The following PCDHGA1 variants were observed in gnomAD, a reference collection of about 807,000 sequenced individuals.
PCDHGA1 encodes protocadherin gamma-A1.
Under a neutral mutation model 58.0 loss-of-function variants are expected in PCDHGA1, and 32 were observed. The observed-to-expected ratio is 0.55, with a 90% confidence interval of 0.42 to 0.74. The LOEUF (loss-of-function observed/expected upper bound fraction) is 0.74, where lower values mean the gene tolerates loss of function less well. PCDHGA1 is among the 30% of genes least tolerant of loss of function. The pLI, the probability that PCDHGA1 is intolerant of heterozygous loss-of-function variation, is 0.00. For missense variants in PCDHGA1, 1,205 were observed against 1,182.3 expected (o/e 1.02, Z -0.28); for synonymous variants, 498 against 501.1 (o/e 0.99, Z 0.08).
intron 1 of PCDHGA1, chr5:141,392,630 C>T (rs1431794812): frequency 1.7e-6 from 1 of 602,802 alleles, no homozygotes; most frequent in African/African-American, 1.9e-5. Context: ...ACACTCAGAT[C>T]TCACACCTCA....
chr5:141,447,168 T>C (rs1027377060), intron 1 of PCDHGA1, among the ~76,000 whole-genome samples: 2 of 152,174 alleles, frequency 1.3e-5, no homozygotes, highest in Non-Finnish European at 2.9e-5. Context: ...AAGCGGGGTC[T>C]TGCTCTTGTC....
intron 1 of PCDHGA1, chr5:141,479,722 T>C (rs2099504690): frequency 6.6e-6 from 1 of 152,240 alleles, no homozygotes; most frequent in African/African-American, 2.4e-5. Context: ...CCAGCCTTAT[T>C]TTTCTTAAGT....
Position 141,373,901 on chromosome 5 carries a change from C to T in PCDHGA1, c.2421+40796C>T. ...AATCAACGGAAACTCAAGTTACATCCTCCAACAACAAAGCAAATTAGACGG... is the reference window on the plus strand; with the variant it reads ...AATCAACGGAAACTCAAGTTACATCTTCCAACAACAAAGCAAATTAGACGG... On this transcript the variant is annotated intron_variant, in intron 1 of 3. Coordinates refer to ENST00000517417, the MANE Select transcript of PCDHGA1 (RefSeq NM_018912.3). 5.3e-6 allele frequency: 3 copies of T among 568,614 alleles called. No homozygotes were observed. In the East Asian group the frequency reaches 9.4e-5, roughly 18 times the overall value. The allele number at this position is 568,614 out of a possible 1,614,324, so 35.2% of individuals were successfully genotyped here.
intron 1 of PCDHGA1, among the ~76,000 whole-genome samples, chr5:141,336,357 CA>C (rs1216055068): frequency 2.6e-5 from 4 of 151,658 alleles, no homozygotes; most frequent in Admixed American, 2.6e-4. Context: ...CTCTATAAAA[CA>C]AAAAAACACA....
chr5:141,338,961 A>G lies in PCDHGA1; in HGVS notation c.2421+5856A>G, dbSNP rs186827842. 7 of 1,525,380 alleles carry G rather than the reference A, an allele frequency of 4.6e-6. No homozygotes were observed. The African/African-American group carries it at 8.3e-5, about 18-fold the overall frequency. 94.5% of individuals were successfully genotyped at this position (1,525,380 alleles called of 1,614,324 possible). On this transcript the variant is annotated intron_variant, in intron 1 of 3. Transcript: ENST00000517417. Reference sequence around the variant, plus strand: ...GGAAGTTGACTCGGAGAAAATTGCGACAGGAGGGAAATGGCGGCTCTGCAA... The same window carrying G: ...GGAAGTTGACTCGGAGAAAATTGCGGCAGGAGGGAAATGGCGGCTCTGCAA...
At position 141,486,460 on chromosome 5, in the gene PCDHGA1, T is replaced by A. The variant is rs1218788640; in HGVS notation, c.2422-8347T>A. 6.2e-7 allele frequency: 1 copy of A among 1,614,146 alleles called. No individual in the cohort carries two copies. Among genetic ancestry groups the A allele is most frequent in the South Asian group, 1.1e-5 (1 of 91,082 alleles). On this transcript the variant is annotated intron_variant, in intron 1 of 3. Coordinates refer to ENST00000517417, the MANE Select transcript of PCDHGA1 (RefSeq NM_018912.3). The surrounding 1 kb of genome is among the most constrained non-coding windows in gnomAD (Gnocchi z 5.0). Reference sequence around the variant, plus strand: ...ATGACATCATGGTCACTGCTTCTGATGCTGGGAACCCTCCTCTCAGTACCC... The same window carrying A: ...ATGACATCATGGTCACTGCTTCTGAAGCTGGGAACCCTCCTCTCAGTACCC...
chr5:141,382,928 A>G (rs746763440), intron 1 of PCDHGA1: 9 of 1,582,188 alleles, frequency 5.7e-6, no homozygotes, highest in South Asian at 3.4e-5. Flanking sequence ...GGCGGGGACT[A>G]CAGAGGATTC....
chr5:141,356,301 A>T (rs755675913), intron 1 of PCDHGA1: 2 of 1,554,592 alleles, frequency 1.3e-6, no homozygotes, highest in Non-Finnish European at 1.7e-6. Context: ...CAGTAATTGC[A>T]CTTTTCAACG....
At chr5:141,428,489 T>C (rs2097142285) in intron 1 of PCDHGA1, 1 of 312,516 alleles carries the variant, frequency 3.2e-6, no homozygotes. Context: ...TCCTGCAATC[T>C]GTATGTTCCC....
intron 1 of PCDHGA1, chr5:141,421,852 C>T: frequency 6.2e-7 from 1 of 1,613,770 alleles, no homozygotes; most frequent in South Asian, 1.1e-5. Context: ...AGAGGCTGCT[C>T]ACCTGCTCCT....
intron 1 of PCDHGA1, chr5:141,383,475 G>T: frequency 6.2e-7 from 1 of 1,613,594 alleles, no homozygotes; most frequent in Non-Finnish European, 8.5e-7. Flanking sequence ...CTAAGTACCC[G>T]GAACTGGTGC....
chr5:141,351,665 C>T, intron 1 of PCDHGA1: 2 of 1,614,054 alleles, frequency 1.2e-6, no homozygotes, highest in Non-Finnish European at 8.5e-7. Flanking sequence ...CTCCATTGCA[C>T]AAGTAAGCGC....
chr5:141,432,336 G>A lies in PCDHGA1; in HGVS notation c.2422-62471G>A. On this transcript the variant is annotated intron_variant, in intron 1 of 3. Coordinates refer to ENST00000517417, the MANE Select transcript of PCDHGA1 (RefSeq NM_018912.3). The surrounding 1 kb of genome is among the most constrained non-coding windows in gnomAD (Gnocchi z 6.0). ...AGCTCCTTCGACTACGAGCAGTTCC[G>A]AGACTTGCAAGTGAAAGTGATGGCG... 1.2e-6 allele frequency: 2 copies of A among 1,614,250 alleles called. No homozygotes were observed. The highest frequency in any genetic ancestry group is 1.7e-6 in the Non-Finnish European group (2 of 1,180,040).
At chr5:141,374,811 C>A (rs1770858987) in intron 1 of PCDHGA1, 1 of 1,613,868 alleles carries the variant, frequency 6.2e-7, no homozygotes, top group Admixed American at 1.7e-5. Flanking sequence ...CCAATGTTTA[C>A]TCAGCCTGTC....
chr5:141,418,126 A>G (rs2096226975), intron 1 of PCDHGA1: 3 of 1,613,994 alleles, frequency 1.9e-6, no homozygotes, highest in Non-Finnish European at 2.5e-6. Context: ...TGAAGGACCG[A>G]ATAGACCGTG....
intron 1 of PCDHGA1, chr5:141,344,125 TC>T (rs1757369417): frequency 8.7e-6 from 14 of 1,613,900 alleles, no homozygotes; most frequent in Admixed American, 1.7e-5. Flanking sequence ...TCCGGTCAGA[TC>T]CGCTACTCGG....
At chr5:141,338,815 T>G (rs1348960323) in intron 1 of PCDHGA1, 2 of 1,384,626 alleles carry the variant, frequency 1.4e-6, no homozygotes, top group Non-Finnish European at 1.9e-6. Context: ...CCCTAAAGCT[T>G]CAGGACACCA....
chr5:141,427,046 C>A (rs916723344), intron 1 of PCDHGA1: 6 of 457,244 alleles, frequency 1.3e-5, no homozygotes, highest in African/African-American at 2.0e-5. Flanking sequence ...AGAATGTGCC[C>A]CCAGGCACCT....
At chr5:141,382,833 C>T (rs1017641917) in intron 1 of PCDHGA1, 11 of 1,423,922 alleles carry the variant, frequency 7.7e-6, no homozygotes, top group South Asian at 1.4e-5. Flanking sequence ...GAGGGGTCCA[C>T]CCGGATACAC....
Sources: gnomAD v4.1 joint callset for allele counts (sites outside exome capture counted in the v4.1 genomes callset) on GRCh38, gnomAD v4.1.1 for gene constraint, Gnocchi (gnomAD v3.1) non-coding constraint, MANE v1.5 for transcripts, NCBI Gene and HGNC (gene_info 2026-07-23, HGNC 2026-07-21) for gene names.